Variants in ATG10 observed in about 807,000 individuals in gnomAD.
ATG10 encodes autophagy related 10, also known as ubiquitin-like-conjugating enzyme ATG10.
Under a neutral mutation model 32.1 loss-of-function variants are expected in ATG10, and 30 were observed. That is an observed-to-expected ratio of 0.94 (90% CI 0.70 to 1.27). The LOEUF is 1.27. ATG10 is among the 50% of genes most tolerant of loss of function. The pLI, the probability that ATG10 is intolerant of heterozygous loss-of-function variation, is 0.00. For synonymous variants in ATG10, 87 were observed against 91.5 expected, an observed-to-expected ratio of 0.95 and a Z score of 0.28; for missense variants, 233 against 262.3, an observed-to-expected ratio of 0.89 and a Z score of 0.77.
intron 1 of ATG10, among the ~76,000 whole-genome samples, chr5:81,973,739 A>G (rs946219577): frequency 2.6e-5 from 4 of 152,242 alleles, no homozygotes; most frequent in South Asian, 2.1e-4. Context: ...AAGGTTAAAC[A>G]GTGACCAGAG....
At chr5:82,001,050 A>G (rs1048857676) in intron 2 of ATG10, among the ~76,000 whole-genome samples, 3 of 152,204 alleles carry the variant, frequency 2.0e-5, no homozygotes, top group Non-Finnish European at 2.9e-5. Flanking sequence ...AAAAAGAGTA[A>G]AATACCTAGG....
chr5:82,070,825 G>T (rs73768623), intron 3 of ATG10, among the ~76,000 whole-genome samples: 4 of 151,890 alleles, frequency 2.6e-5, no homozygotes, highest in Non-Finnish European at 5.9e-5. Flanking sequence ...GGACTTTTTC[G>T]TTATTTGTTC....
intron 3 of ATG10, among the ~76,000 whole-genome samples, chr5:82,155,924 TCTA>T (rs1219226106): frequency 6.6e-6 from 1 of 152,126 alleles, no homozygotes; most frequent in Non-Finnish European, 1.5e-5. Context: ...CAGCCACAAA[TCTA>T]CTGTTGAATA....
At chr5:82,046,983 T>G (rs1263102242) in intron 2 of ATG10, among the ~76,000 whole-genome samples, 1 of 144,634 alleles carries the variant, frequency 6.9e-6, no homozygotes, top group African/African-American at 2.6e-5. Flanking sequence ...TCATCTGTGT[T>G]TTTTTTTTTT....
intron 5 of ATG10, among the ~76,000 whole-genome samples, chr5:82,217,621 ATAT>A (rs1445926753): frequency 5.3e-5 from 8 of 151,922 alleles, no homozygotes; most frequent in Admixed American, 5.2e-4. Context: ...ATAGGGCATA[ATAT>A]TGATTGGCAG....
chr5:82,195,474 G>T (rs1173008853), intron 5 of ATG10, among the ~76,000 whole-genome samples: 8 of 152,176 alleles, frequency 5.3e-5, no homozygotes, highest in Non-Finnish European at 1.2e-4. Context: ...GCCCAGAGGA[G>T]ATCTTGGAGG....
At chr5:82,001,435 C>G (rs1391123204) in intron 2 of ATG10, among the ~76,000 whole-genome samples, 1 of 152,154 alleles carries the variant, frequency 6.6e-6, no homozygotes, top group East Asian at 1.9e-4. Context: ...TAGCATGGTA[C>G]TGGTACAAAA....
intron 2 of ATG10, among the ~76,000 whole-genome samples, chr5:82,054,463 G>A (rs1763525393): frequency 6.6e-6 from 1 of 152,162 alleles, no homozygotes; most frequent in Non-Finnish European, 1.5e-5. Flanking sequence ...GTTACTTGAA[G>A]TGCAAAGCAC....
intron 3 of ATG10, among the ~76,000 whole-genome samples, chr5:82,102,489 C>A (rs755849759): frequency 6.6e-6 from 1 of 152,068 alleles, no homozygotes; most frequent in African/African-American, 2.4e-5. Context: ...TATTGAATGT[C>A]TACTCCAATA....
rs369192591 is a variant in ATG10 at position 82,052,864 on chromosome 5, A to G, written c.109-5631A>G. 1.4e-4 allele frequency among the ~76,000 whole-genome samples: 21 copies of G among 152,298 alleles called. No homozygotes were observed. In the East Asian group the frequency reaches 2.1e-3, roughly 15 times the overall value. On this transcript the variant is annotated intron_variant, in intron 2 of 7. Transcript: ENST00000282185. ...TATCCCATTATTTGGACATAAAATA[A>G]TTTATTTAGCCAATCTTCACTGATG...
intron 3 of ATG10, among the ~76,000 whole-genome samples, chr5:82,149,299 T>C (rs1404272528): frequency 6.6e-6 from 1 of 152,022 alleles, no homozygotes; most frequent in Non-Finnish European, 1.5e-5. Context: ...AATATACCAG[T>C]ATTTTCTTTC....
intron 2 of ATG10, among the ~76,000 whole-genome samples, chr5:82,043,536 C>T (rs1763148590): frequency 6.6e-6 from 1 of 152,206 alleles, no homozygotes; most frequent in Non-Finnish European, 1.5e-5. Flanking sequence ...TTCTTTTCTA[C>T]TGCAATGGTT....
chr5:82,125,047 T>C (rs1766209510), intron 3 of ATG10, among the ~76,000 whole-genome samples: 1 of 152,242 alleles, frequency 6.6e-6, no homozygotes, highest in African/African-American at 2.4e-5. Flanking sequence ...CCAGAGATGA[T>C]GAGCATTTTT....
intron 3 of ATG10, among the ~76,000 whole-genome samples, chr5:82,153,626 A>G (rs917590480): frequency 2.0e-5 from 3 of 152,228 alleles, no homozygotes; most frequent in Non-Finnish European, 2.9e-5. Context: ...TAAAATGATC[A>G]GTGCTACATA....
At chr5:81,975,717 T>A (rs1451004364) in intron 1 of ATG10, among the ~76,000 whole-genome samples, 1 of 152,018 alleles carries the variant, frequency 6.6e-6, no homozygotes, top group Non-Finnish European at 1.5e-5. Flanking sequence ...CTCAGGATGA[T>A]TTGGGGGCTC....
intron 5 of ATG10, among the ~76,000 whole-genome samples, chr5:82,217,761 C>A (rs373567926): frequency 6.6e-6 from 1 of 151,390 alleles, no homozygotes; most frequent in East Asian, 1.9e-4. Context: ...CTGCTTGAGC[C>A]CAGGAATTTG....
chr5:82,079,897 GGTCA>G (rs1764414353), intron 3 of ATG10, among the ~76,000 whole-genome samples: 1 of 152,124 alleles, frequency 6.6e-6, no homozygotes, highest in African/African-American at 2.4e-5. Context: ...GGGATAGCTG[GGTCA>G]AATGGTATTT....
chr5:82,069,365 T>C lies in ATG10; in HGVS notation c.216+10763T>C, dbSNP rs1157570765. ...AGAGTATCATTTTTACATAAAATCA[T>C]TGGCCAGAACAATGGCTTATATAGC... is the stretch of plus-strand genomic sequence containing the variant. On this transcript the variant is annotated intron_variant, in intron 3 of 7. Transcript: ENST00000282185. Among the ~76,000 whole-genome samples the C allele has an allele frequency of 2.0e-5, 3 of 152,200 alleles. No homozygotes were observed. In the South Asian group the frequency reaches 6.2e-4, roughly 31 times the overall value.
intron 2 of ATG10, among the ~76,000 whole-genome samples, chr5:81,996,890 T>C (rs1485380066): frequency 6.6e-6 from 1 of 152,140 alleles, no homozygotes; most frequent in Non-Finnish European, 1.5e-5. Flanking sequence ...AAAACAAATA[T>C]GAAAGTACTT....
Sources: allele counts gnomAD v4.1 joint callset (sites outside exome capture counted in the v4.1 genomes callset), GRCh38; gene constraint gnomAD v4.1.1; transcripts MANE v1.5; gene names NCBI Gene and HGNC (gene_info 2026-07-23, HGNC 2026-07-21).